CRADD: variants seen among roughly 807,000 people sequenced by gnomAD.
CRADD encodes the protein CARD and death domain containing adaptor protein.
In CRADD, 9 loss-of-function variants were observed where a neutral mutation model predicts 15.5. That is an observed-to-expected ratio of 0.58 (90% CI 0.35 to 1.01). The LOEUF (loss-of-function observed/expected upper bound fraction) is 1.01, where lower values mean the gene tolerates loss of function less well. Ranked by LOEUF, CRADD falls within the 50% of genes least tolerant of loss-of-function variation. The probability of loss-of-function intolerance (pLI) is 0.02; values close to 1 mark genes in which losing one functional copy is unlikely to be tolerated. For missense variants in CRADD, 227 were observed against 250.3 expected (o/e 0.91, Z 0.63); for synonymous variants, 118 against 107.6 (o/e 1.10, Z -0.60).
intron 2 of CRADD, among the ~76,000 whole-genome samples, chr12:93,777,709 A>G (rs1957155355): frequency 6.6e-6 from 1 of 152,224 alleles, no homozygotes. Context: ...GTGCTGATGG[A>G]TAAAATTTAG....
chr12:93,707,470 G>C (rs75202857), intron 2 of CRADD, among the ~76,000 whole-genome samples: 5 of 152,124 alleles, frequency 3.3e-5, no homozygotes, highest in Admixed American at 2.6e-4. Context: ...ACTGGGGTGC[G>C]TGGCTCTGGG....
chr12:93,788,167 G>A (rs1485344552), intron 2 of CRADD, among the ~76,000 whole-genome samples: 1 of 152,182 alleles, frequency 6.6e-6, no homozygotes, highest in Non-Finnish European at 1.5e-5. Flanking sequence ...AAAGGAAAGA[G>A]ATTTAATTGA....
intron 2 of CRADD, among the ~76,000 whole-genome samples, chr12:93,892,611 G>A (rs997387972): frequency 6.6e-6 from 1 of 152,122 alleles, no homozygotes; most frequent in Admixed American, 6.5e-5. Flanking sequence ...AGTAGGAGTG[G>A]GTGGGCACGT....
At chr12:93,889,648 G>A (rs923129098) in intron 2 of CRADD, among the ~76,000 whole-genome samples, 8 of 152,170 alleles carry the variant, frequency 5.3e-5, no homozygotes, top group Admixed American at 1.3e-4. Context: ...CCAAGCGAGG[G>A]TTGTAAGTCA....
chr12:93,829,129 T>G (rs1198975700), intron 2 of CRADD, among the ~76,000 whole-genome samples: 1 of 152,032 alleles, frequency 6.6e-6, no homozygotes, highest in Admixed American at 6.5e-5. Flanking sequence ...TTTCACCTTT[T>G]TTTTTTTTTT....
At chr12:93,724,334 G>A (rs1956316043) in intron 2 of CRADD, among the ~76,000 whole-genome samples, 1 of 150,756 alleles carries the variant, frequency 6.6e-6, no homozygotes, top group Non-Finnish European at 1.5e-5. Flanking sequence ...AGCCCTGATC[G>A]TGCCACTGCA....
At chr12:93,837,234 ATTCAT>A (rs1425367016) in intron 2 of CRADD, 1 of 150,080 alleles carries the variant, frequency 6.7e-6, no homozygotes, top group Admixed American at 6.6e-5. Context: ...TGTACCAGAT[ATTCAT>A]TTCACGTTTT....
intron 2 of CRADD, among the ~76,000 whole-genome samples, chr12:93,829,820 G>A (rs1957869824): frequency 6.6e-6 from 1 of 152,228 alleles, no homozygotes; most frequent in African/African-American, 2.4e-5. Flanking sequence ...AGGCTCCTGA[G>A]TAGCTGGGAT....
Position 93,721,444 on chromosome 12 carries a change from T to C in CRADD, c.298+42372T>C, listed in dbSNP as rs115928085. ...GTATATAACTATATGTGTATGCACA[T>C]ACACAAACACACACACATATATATA... is the stretch of plus-strand genomic sequence containing the variant. On this transcript the variant is annotated intron_variant, in intron 2 of 2. Coordinates refer to ENST00000332896, the MANE Select transcript of CRADD (RefSeq NM_003805.5). Among the ~76,000 whole-genome samples, 1,062 of 151,726 alleles carry C rather than the reference T, an allele frequency of 7.0e-3. 11 individuals are homozygous for C. Among genetic ancestry groups the C allele is most frequent in the African/African-American group, 0.024 (1,001 of 41,358 alleles).
At chr12:93,782,317 G>GA (rs1957219552) in intron 2 of CRADD, among the ~76,000 whole-genome samples, 1 of 134,050 alleles carries the variant, frequency 7.5e-6, no homozygotes, top group African/African-American at 2.8e-5. Context: ...ACAGGAAGGG[G>GA]AACATCACAC....
intron 2 of CRADD, among the ~76,000 whole-genome samples, chr12:93,736,097 T>C (rs1000723761): frequency 3.9e-5 from 6 of 152,090 alleles, no homozygotes; most frequent in African/African-American, 1.4e-4. Flanking sequence ...ATCTAACAGC[T>C]CCTCAGAACA....
chr12:93,715,052 G>A (rs1300035181), intron 2 of CRADD, among the ~76,000 whole-genome samples: 1 of 147,538 alleles, frequency 6.8e-6, no homozygotes, highest in East Asian at 1.9e-4. Flanking sequence ...ATCATCCAAT[G>A]TCCTTTTTTT....
intron 2 of CRADD, among the ~76,000 whole-genome samples, chr12:93,805,704 G>C (rs1487828635): frequency 6.6e-6 from 1 of 152,150 alleles, no homozygotes; most frequent in African/African-American, 2.4e-5. Context: ...ATCCACATTT[G>C]TTACATGAAA....
rs140825112 is a variant in CRADD, at chr12:93,687,828, G to T, written c.298+8756G>T. On this transcript the variant is annotated intron_variant, in intron 2 of 2. Transcript: ENST00000332896. ...CAGAATCTCAGACCCCATACAGGGG[G>T]TGATGCTGCTACCAACATTAAAATC... Among the ~76,000 whole-genome samples, 10 of 152,316 alleles carry T rather than the reference G, an allele frequency of 6.6e-5. No individual in the cohort carries two copies. In the East Asian group the frequency reaches 1.9e-3, roughly 29 times the overall value.
chr12:93,885,229 C>T (rs2137075672), intron 2 of CRADD, among the ~76,000 whole-genome samples: 1 of 152,264 alleles, frequency 6.6e-6, no homozygotes, highest in Non-Finnish European at 1.5e-5. Context: ...GTCAAAGACA[C>T]CGTAATTGCT....
intron 2 of CRADD, among the ~76,000 whole-genome samples, chr12:93,700,092 A>C (rs908326244): frequency 5.9e-5 from 9 of 152,184 alleles, no homozygotes; most frequent in Non-Finnish European, 1.3e-4. Flanking sequence ...AGGAGACGCC[A>C]AGTACTTCCC....
chr12:93,783,460 G>A (rs2136975156), intron 2 of CRADD, among the ~76,000 whole-genome samples: 1 of 151,972 alleles, frequency 6.6e-6, no homozygotes, highest in South Asian at 2.1e-4. Flanking sequence ...TTTAAACAAT[G>A]AGTAAATTAA....
At chr12:93,751,386 A>G (rs953456905) in intron 2 of CRADD, among the ~76,000 whole-genome samples, 3 of 152,236 alleles carry the variant, frequency 2.0e-5, no homozygotes, top group South Asian at 2.1e-4. Context: ...ATTAATATGT[A>G]TTATTCCTCA....
At chr12:93,703,506 G>T (rs149243256) in intron 2 of CRADD, among the ~76,000 whole-genome samples, 5,691 of 151,728 alleles carry the variant, frequency 0.038, 168 homozygotes, top group South Asian at 0.066. Context: ...GACTACAGGC[G>T]CATGCCACCA....
Sources: allele counts gnomAD v4.1 joint callset (sites outside exome capture counted in the v4.1 genomes callset), GRCh38; gene constraint gnomAD v4.1.1; transcripts MANE v1.5; gene names NCBI Gene and HGNC (gene_info 2026-07-23, HGNC 2026-07-21).